The following DCDC1 variants were observed in gnomAD, a reference collection of about 807,000 sequenced individuals.
The protein encoded by DCDC1 is doublecortin domain-containing protein 1.
DCDC1 carries 200 observed loss-of-function variants against 178.3 expected under a neutral mutation model. The ratio of observed to expected loss-of-function variants is 1.12; its 90% CI spans 1.00 to 1.26. DCDC1 has a LOEUF of 1.26. Among genes scored for constraint, DCDC1 ranks in the 50% most tolerant of loss-of-function variants. DCDC1 has a pLI of 0.00. For missense variants in DCDC1, 1,983 were observed against 1,749.2 expected, an observed-to-expected ratio of 1.13 and a Z score of -2.38; for synonymous variants, 690 against 604.8, an observed-to-expected ratio of 1.14 and a Z score of -2.07.
chr11:30,909,548 G>C (rs1220821396), intron 28 of DCDC1, among the ~76,000 whole-genome samples: 4 of 151,926 alleles, frequency 2.6e-5, no homozygotes, highest in Non-Finnish European at 4.4e-5. Context: ...CAAATTTCTA[G>C]AAGTAGAGTT....
chr11:31,130,491 C>T (rs1049976623), intron 10 of DCDC1, among the ~76,000 whole-genome samples: 1 of 152,122 alleles, frequency 6.6e-6, no homozygotes, highest in African/African-American at 2.4e-5. Context: ...ACTGCTCCTT[C>T]AAGCCGTATC....
intron 20 of DCDC1, among the ~76,000 whole-genome samples, chr11:31,004,525 A>C (rs981587807): frequency 6.7e-6 from 1 of 150,356 alleles, no homozygotes; most frequent in Non-Finnish European, 1.5e-5. Flanking sequence ...TACGAAAAAA[A>C]AAAAAAAATT....
At chr11:31,139,220 AAAC>A (rs1399987779) in intron 9 of DCDC1, among the ~76,000 whole-genome samples, 1 of 152,208 alleles carries the variant, frequency 6.6e-6, no homozygotes, top group Non-Finnish European at 1.5e-5. Context: ...AAACTTTAAA[AAAC>A]AACAATAACA....
At chr11:31,224,943 G>T (rs1017013179) in intron 9 of DCDC1, among the ~76,000 whole-genome samples, 2 of 152,186 alleles carry the variant, frequency 1.3e-5, no homozygotes, top group African/African-American at 4.8e-5. Flanking sequence ...ATGGAAAACA[G>T]TATGGAGATT....
At chr11:30,940,883 G>C (rs1334905648) in intron 21 of DCDC1, among the ~76,000 whole-genome samples, 1 of 151,956 alleles carries the variant, frequency 6.6e-6, no homozygotes, top group Non-Finnish European at 1.5e-5. Flanking sequence ...AAGCATTTAA[G>C]GCTATAAATT....
chr11:31,296,296 C>T lies in DCDC1; in HGVS notation c.755-5444G>A, dbSNP rs541429237. Among the ~76,000 whole-genome samples, 4 of 152,212 alleles carry T rather than the reference C, an allele frequency of 2.6e-5. No individual in the cohort carries two copies. The South Asian group carries it at 6.2e-4, about 24-fold the overall frequency. On this transcript the variant is annotated intron_variant, in intron 6 of 38. Coordinates refer to ENST00000684477, the MANE Select transcript of DCDC1 (RefSeq NM_001387274.1). Reference sequence around the variant, plus strand: ...GTTCTTGTCTTACCCTAGTTTGAAGCACTGTTTTACCTAAGCAAATCTGTT... The same window carrying T: ...GTTCTTGTCTTACCCTAGTTTGAAGTACTGTTTTACCTAAGCAAATCTGTT...
At chr11:31,090,699 C>A (rs1472981188) in intron 17 of DCDC1, among the ~76,000 whole-genome samples, 2 of 152,164 alleles carry the variant, frequency 1.3e-5, no homozygotes, top group South Asian at 2.1e-4. Context: ...GCTGGATCAA[C>A]TTCTCTGATG....
At chr11:30,888,065 AGAGAGAGAGAGAGAGAG>A (rs1943363741) in intron 36 of DCDC1, among the ~76,000 whole-genome samples, 12 of 91,978 alleles carry the variant, frequency 1.3e-4, no homozygotes, top group African/African-American at 4.9e-4. Flanking sequence ...AAAGAAAGAG[AGAGAGAGAGAGAGAGAG>A]AGAAAGAAAG....
At chr11:30,935,512 T>C (rs1251920372) in intron 21 of DCDC1, among the ~76,000 whole-genome samples, 2 of 152,170 alleles carry the variant, frequency 1.3e-5, no homozygotes, top group Admixed American at 1.3e-4. Flanking sequence ...CCCAGCCATA[T>C]TAACTTCCAG....
At chr11:31,041,192 G>A (rs1954426304) in intron 20 of DCDC1, among the ~76,000 whole-genome samples, 1 of 152,152 alleles carries the variant, frequency 6.6e-6, no homozygotes, top group African/African-American at 2.4e-5. Flanking sequence ...CATTCAGGGA[G>A]GGCATTAACT....
chr11:31,195,338 CTAAA>C (rs1970577845), intron 9 of DCDC1, among the ~76,000 whole-genome samples: 2 of 152,072 alleles, frequency 1.3e-5, no homozygotes, highest in East Asian at 1.9e-4. Flanking sequence ...TCAAGAGTAA[CTAAA>C]TGGTCTCTAA....
intron 7 of DCDC1, 120 bp from the exon 8 acceptor site, chr11:31,265,720 T>C (rs1945107996): frequency 2.5e-6 from 1 of 397,698 alleles, no homozygotes; most frequent in African/African-American, 2.1e-5. Context: ...AATTTAATGA[T>C]TTATAAAATG....
At chr11:31,226,946 G>A (rs753473225) in intron 9 of DCDC1, among the ~76,000 whole-genome samples, 1 of 151,768 alleles carries the variant, frequency 6.6e-6, no homozygotes, top group Non-Finnish European at 1.5e-5. Flanking sequence ...TAAAATAGAC[G>A]ACAACAGTGG....
chr11:30,977,407 A>G (rs1208606300), intron 20 of DCDC1, among the ~76,000 whole-genome samples: 1 of 152,242 alleles, frequency 6.6e-6, no homozygotes, highest in Non-Finnish European at 1.5e-5. Flanking sequence ...ATCATTACAC[A>G]TTCATGCTTG....
At chr11:31,253,709 A>G (rs1023352791) in intron 8 of DCDC1, among the ~76,000 whole-genome samples, 3 of 152,216 alleles carry the variant, frequency 2.0e-5, no homozygotes, top group African/African-American at 7.2e-5. Flanking sequence ...ACCCACAAAA[A>G]TTGAGAAATA....
intron 1 of DCDC1, among the ~76,000 whole-genome samples, chr11:31,350,745 T>C (rs1951030127): frequency 6.6e-6 from 1 of 152,142 alleles, no homozygotes; most frequent in Admixed American, 6.5e-5. Flanking sequence ...ATGTCTGATT[T>C]TATGCTTCAT....
At chr11:31,116,408 T>A (rs1435307020) in intron 11 of DCDC1, among the ~76,000 whole-genome samples, 1 of 151,746 alleles carries the variant, frequency 6.6e-6, no homozygotes, top group Non-Finnish European at 1.5e-5. Context: ...AAAAAAAAAA[T>A]TTATCCAACC....
chr11:31,113,400 A>G (rs1959277006), intron 11 of DCDC1, among the ~76,000 whole-genome samples: 1 of 151,714 alleles, frequency 6.6e-6, no homozygotes, highest in Admixed American at 6.6e-5. Flanking sequence ...TTAACTAGTC[A>G]TTTACATTAG....
chr11:31,161,966 T>C (rs1966350094), intron 9 of DCDC1, among the ~76,000 whole-genome samples: 1 of 152,232 alleles, frequency 6.6e-6, no homozygotes, highest in African/African-American at 2.4e-5. Flanking sequence ...AAGAAAATGT[T>C]CAACTATATT....
Sources: allele counts gnomAD v4.1 joint callset (sites outside exome capture counted in the v4.1 genomes callset), GRCh38; gene constraint gnomAD v4.1.1; transcripts MANE v1.5; gene names NCBI Gene and HGNC (gene_info 2026-07-23, HGNC 2026-07-21).